The following FAM107B variants were observed in gnomAD, a reference collection of about 807,000 sequenced individuals.
The protein encoded by FAM107B is protein FAM107B.
In FAM107B, 21 loss-of-function variants were observed where a neutral mutation model predicts 31.5. That is an observed-to-expected ratio of 0.67 (90% CI 0.47 to 0.96). The LOEUF is 0.96. FAM107B is among the 40% of genes least tolerant of loss of function. FAM107B has a pLI of 0.00. For synonymous variants in FAM107B, 157 were observed against 141.5 expected (o/e 1.11, Z -0.78); for missense variants, 452 against 377.1 (o/e 1.20, Z -1.64).
chr10:14,672,104 A>ATT (rs11377065), intron 1 of FAM107B, among the ~76,000 whole-genome samples: 11,878 of 142,176 alleles, frequency 0.084, 547 homozygotes, highest in African/African-American at 0.11. Flanking sequence ...TTATTTATTT[A>ATT]TTTTTTTTTT....
intron 1 of FAM107B, among the ~76,000 whole-genome samples, chr10:14,768,264 A>G (rs1011712188): frequency 6.6e-5 from 10 of 152,178 alleles, no homozygotes; most frequent in African/African-American, 2.4e-4. Context: ...TCAAAATCTC[A>G]ATAATGTTTT....
intron 1 of FAM107B, among the ~76,000 whole-genome samples, chr10:14,704,560 G>A (rs1855478036): frequency 6.6e-6 from 1 of 152,162 alleles, no homozygotes; most frequent in Non-Finnish European, 1.5e-5. Flanking sequence ...GTTCAAGATG[G>A]TTAAAAATTA....
At chr10:14,666,984 A>G (rs533364445) in intron 2 of FAM107B, among the ~76,000 whole-genome samples, 3 of 152,350 alleles carry the variant, frequency 2.0e-5, no homozygotes, top group African/African-American at 7.2e-5. Context: ...CTAACACCGA[A>G]TCACATAAAA....
At position 14,624,977 on chromosome 10, in the gene FAM107B, C is replaced by A. The variant is rs147936524; in HGVS notation, c.469+42657G>T. Among the ~76,000 whole-genome samples the A allele has an allele frequency of 2.5e-3, 376 of 152,202 alleles. 3 individuals are homozygous for A. Among genetic ancestry groups the A allele is most frequent in the African/African-American group, 8.7e-3 (361 of 41,530 alleles). On this transcript the variant is annotated intron_variant, in intron 2 of 4. Transcript: ENST00000181796. Reference sequence around the variant, plus strand: ...TGGTGGCTCACGCCTGTAATCCTGGCATTTTGGGAGGCCTAGGCAGGTGGA... The same window carrying A: ...TGGTGGCTCACGCCTGTAATCCTGGAATTTTGGGAGGCCTAGGCAGGTGGA...
chr10:14,750,449 T>A (rs550633224), intron 1 of FAM107B, among the ~76,000 whole-genome samples: 1 of 151,992 alleles, frequency 6.6e-6, no homozygotes, highest in South Asian at 2.1e-4. Flanking sequence ...CTGTCTCTAT[T>A]AAAAATACAA....
intron 1 of FAM107B, among the ~76,000 whole-genome samples, chr10:14,706,776 C>T (rs1407052859): frequency 1.3e-5 from 2 of 152,178 alleles, no homozygotes; most frequent in Non-Finnish European, 2.9e-5. Flanking sequence ...ATAAAACTGT[C>T]CCTTCTACTC....
chr10:14,629,380 A>G (rs181404491), intron 2 of FAM107B, among the ~76,000 whole-genome samples: 310 of 10,252 alleles, frequency 0.03, no homozygotes, highest in Middle Eastern at 0.12. Flanking sequence ...TTTAATATAT[A>G]TAATATATAT....
intron 1 of FAM107B, among the ~76,000 whole-genome samples, chr10:14,770,697 C>T (rs1833281367): frequency 6.6e-6 from 1 of 152,060 alleles, no homozygotes; most frequent in Non-Finnish European, 1.5e-5. Context: ...GGGTTGTTAT[C>T]ACTTTGGTTT....
chr10:14,695,146 G>T (rs1855234934), intron 1 of FAM107B, among the ~76,000 whole-genome samples: 1 of 152,114 alleles, frequency 6.6e-6, no homozygotes, highest in Non-Finnish European at 1.5e-5. Flanking sequence ...TTATGTTTAG[G>T]TCTTTTGTCC....
At chr10:14,751,070 G>T (rs1055212502) in intron 1 of FAM107B, among the ~76,000 whole-genome samples, 1 of 152,210 alleles carries the variant, frequency 6.6e-6, no homozygotes, top group Non-Finnish European at 1.5e-5. Flanking sequence ...GGCCCCATGT[G>T]CTGTTGACAT....
chr10:14,567,177 A>T (rs924968572), intron 2 of FAM107B, among the ~76,000 whole-genome samples: 3 of 152,108 alleles, frequency 2.0e-5, no homozygotes, highest in Admixed American at 1.3e-4. Context: ...AATAAATAAA[A>T]ATAAATAAAT....
In FAM107B at chr10:14,747,692, G is replaced by A. The variant is rs540700695; in HGVS notation, c.411+26561C>T. On this transcript the variant is annotated intron_variant, in intron 1 of 4. Transcript: ENST00000181796. ...TCCTTCCTCTGGGATCTCTGTCTCA[G>A]AGAGGCACCAAGCTAATGCCAGCAG... 1.2e-4 allele frequency among the ~76,000 whole-genome samples: 19 copies of A among 152,298 alleles called. No homozygotes were observed. The East Asian group carries it at 2.3e-3, about 19-fold the overall frequency.
At position 14,521,269 on chromosome 10, in the gene FAM107B, T is replaced by G; in HGVS notation, c.842A>C (p.Glu281Ala). ...LEKQKLQEEQ[E>A]NAPEFVKVKG... ...CACCTTCACAAACTCGGGGGCATTTTCTTGCTCTTCTTGCAATTTCTGCTT... is the reference window on the plus strand; with the variant it reads ...CACCTTCACAAACTCGGGGGCATTTGCTTGCTCTTCTTGCAATTTCTGCTT... The change falls in exon 5 of 5, where the codon GAA (glutamate) becomes GCA (alanine). Residue 281 changes from glutamate to alanine, a missense_variant. Coordinates refer to ENST00000181796, the MANE Select transcript of FAM107B (RefSeq NM_031453.4). The G allele has an allele frequency of 5.0e-6, 8 of 1,614,176 alleles. No homozygotes were observed. Among genetic ancestry groups the G allele is most frequent in the Non-Finnish European group, 6.8e-6 (8 of 1,180,016 alleles).
chr10:14,640,377 C>G (rs1031660013), intron 2 of FAM107B, among the ~76,000 whole-genome samples: 2 of 152,198 alleles, frequency 1.3e-5, no homozygotes, highest in African/African-American at 4.8e-5. Context: ...AGAAGGTGAT[C>G]AGCTGTTCTT....
chr10:14,698,610 G>A (rs1287181683), intron 1 of FAM107B, among the ~76,000 whole-genome samples: 1 of 152,114 alleles, frequency 6.6e-6, no homozygotes, highest in Non-Finnish European at 1.5e-5. Context: ...GGACATGCCG[G>A]GGCTCAAAAA....
At chr10:14,665,807 C>T (rs893225200) in intron 2 of FAM107B, among the ~76,000 whole-genome samples, 2 of 152,214 alleles carry the variant, frequency 1.3e-5, no homozygotes, top group African/African-American at 2.4e-5. Flanking sequence ...TTGCTCCTTC[C>T]TCAGTGTTCC....
At chr10:14,558,576 C>A (rs773251454) in intron 2 of FAM107B, among the ~76,000 whole-genome samples, 3 of 129,808 alleles carry the variant, frequency 2.3e-5, no homozygotes, top group African/African-American at 8.4e-5. Flanking sequence ...CTGGCTACTG[C>A]TCACCTGATC....
intron 1 of FAM107B, among the ~76,000 whole-genome samples, chr10:14,747,110 T>C (rs1832740153): frequency 6.6e-6 from 1 of 152,248 alleles, no homozygotes; most frequent in South Asian, 2.1e-4. Context: ...GGTTGCATTA[T>C]GATGGTCTTG....
At chr10:14,625,845 C>A (rs1853146585) in intron 2 of FAM107B, among the ~76,000 whole-genome samples, 1 of 130,384 alleles carries the variant, frequency 7.7e-6, no homozygotes, top group African/African-American at 2.9e-5. Context: ...AACCATCCGA[C>A]CTCCATGCAG....
Sources: allele counts gnomAD v4.1 joint callset (sites outside exome capture counted in the v4.1 genomes callset), GRCh38; gene constraint gnomAD v4.1.1; transcripts MANE v1.5; gene names NCBI Gene and HGNC (gene_info 2026-07-23, HGNC 2026-07-21).